The following GON4L variants were observed in gnomAD, a reference collection of about 807,000 sequenced individuals.
The protein encoded by GON4L is gon-4 like, also known as GON-4-like protein.
In GON4L, 87 loss-of-function variants were observed where a neutral mutation model predicts 211.8. The ratio of observed to expected loss-of-function variants is 0.41; its 90% confidence interval spans 0.35 to 0.49. The LOEUF (loss-of-function observed/expected upper bound fraction) is 0.49. Ranked by LOEUF, GON4L falls within the 20% of genes least tolerant of loss-of-function variation. The pLI, the probability that GON4L is intolerant of heterozygous loss-of-function variation, is 0.15. For synonymous variants in GON4L, 875 were observed against 962.6 expected (o/e 0.91, Z 1.68); for missense variants, 2,155 against 2,659.5 (o/e 0.81, Z 4.17).
At chr1:155,811,553 C>T (rs563492775) in intron 10 of GON4L, among the ~76,000 whole-genome samples, 8 of 150,752 alleles carry the variant, frequency 5.3e-5, no homozygotes, top group South Asian at 4.2e-4. Flanking sequence ...GTCAGGAGTT[C>T]GAGACCAGCC....
At position 155,764,441 on chromosome 1, in the gene GON4L, TTTTTTTTTTTTTTTTTG is replaced by T; in HGVS notation, c.4473+542_4473+558del. On this transcript the variant is annotated intron_variant, in intron 21 of 31. Transcript: ENST00000368331. ...GTTATTTACTATTTTTTTTTTTTTT[TTTTTTTTTTTTTTTTTG>T]AGACAGAGCCTTGCTCTGTTGCCCA... is the stretch of plus-strand genomic sequence containing the variant. The T allele has an allele frequency of 6.0e-4, 3 of 5,004 alleles. No homozygotes were observed. The Non-Finnish European group carries it at 0.016, about 27-fold the overall frequency. The allele number at this position is 5,004 out of a possible 1,614,324, so 0.3% of individuals were successfully genotyped here. A position where few individuals can be genotyped will look rare whatever the true frequency, so the allele number is the denominator to read the frequency against.
chr1:155,793,112 A>G (rs1362062193), intron 12 of GON4L, among the ~76,000 whole-genome samples: 1 of 152,060 alleles, frequency 6.6e-6, no homozygotes, highest in Non-Finnish European at 1.5e-5. Context: ...TAGATTTTCT[A>G]GGTTTTTCTT....
rs1379717260 is a variant in GON4L, at chr1:155,805,061, T to C, written c.1533A>G (p.Ala511=). The change falls in exon 11 of 32, where the codon GCA becomes GCG. Residue 511 remains alanine, a synonymous_variant. Coordinates refer to ENST00000368331, the MANE Select transcript of GON4L (RefSeq NM_001282860.2). The stretch of plus-strand genomic sequence containing the variant: ...GAGTGATGTCTGGAGCTTGGAGCTC[T>C]GCCTCTAATTGGCCCAGGGGAACAT... The part of the protein sequence containing the change: ...LKDVPLGQLE[A]ELQAPDITPD... 9 of 1,613,332 alleles carry C rather than the reference T, an allele frequency of 5.6e-6. No homozygotes were observed. The South Asian group carries it at 8.8e-5, about 16-fold the overall frequency.
intron 23 of GON4L, among the ~76,000 whole-genome samples, chr1:155,761,181 T>TG (rs1206483354): frequency 1.4e-5 from 2 of 146,358 alleles, no homozygotes; most frequent in African/African-American, 5.1e-5. Flanking sequence ...TGTGGTTTTT[T>TG]TTTTTTTTTT....
chr1:155,759,716 G>A (rs549535198), intron 24 of GON4L, among the ~76,000 whole-genome samples: 5 of 151,442 alleles, frequency 3.3e-5, no homozygotes, highest in Admixed American at 6.6e-5. Context: ...GAATAATCCC[G>A]TTCCTCCCTT....
Position 155,807,825 on chromosome 1 carries a change from G to A in GON4L, c.1453-2684C>T, listed in dbSNP as rs564238124. On this transcript the variant is annotated intron_variant, in intron 10 of 31. Coordinates refer to ENST00000368331, the MANE Select transcript of GON4L (RefSeq NM_001282860.2). ...TCCACATGAATTTTAGGATTAGACTGTTAATTTCCACAAAAATGGTAGCTG... is the reference window on the plus strand; with the variant it reads ...TCCACATGAATTTTAGGATTAGACTATTAATTTCCACAAAAATGGTAGCTG... 1.3e-4 allele frequency among the ~76,000 whole-genome samples: 19 copies of A among 150,792 alleles called. No homozygotes were observed. In the East Asian group the frequency reaches 3.7e-3, roughly 30 times the overall value.
rs751588346 is a variant in GON4L, at chr1:155,816,309, T to C, written c.1015-47A>G. 27 of 900,894 alleles carry C rather than the reference T, an allele frequency of 3.0e-5. 1 individual carries two copies. Among genetic ancestry groups the C allele is most frequent in the South Asian group, 2.7e-4 (20 of 73,168 alleles). The allele number at this position is 900,894 out of a possible 1,614,324, so 55.8% of individuals were successfully genotyped here. The stretch of plus-strand genomic sequence containing the variant: ...AATTAAGTTATCTTAACTGAAATAA[T>C]TGTTTTTCATGTTTACTTCCTCTGT... On this transcript the variant is annotated intron_variant, in intron 6 of 31. Coordinates refer to ENST00000368331, the MANE Select transcript of GON4L (RefSeq NM_001282860.2).
downstream of GON4L, chr1:155,745,841 G>A (rs775158275): frequency 1.0e-5 from 7 of 695,646 alleles, no homozygotes; most frequent in African/African-American, 1.8e-5. Context: ...GGCGGGCGGG[G>A]CCCGGGAGGT....
chr1:155,810,663 C>A (rs553693566), intron 10 of GON4L, among the ~76,000 whole-genome samples: 1 of 141,756 alleles, frequency 7.1e-6, no homozygotes, highest in African/African-American at 2.7e-5. Context: ...GCCGAGATCA[C>A]GCCATCACAC....
Position 155,752,737 on chromosome 1 carries a change from T to C in GON4L, c.5843-147A>G, listed in dbSNP as rs191403006. 3.8e-5 allele frequency: 47 copies of C among 1,244,830 alleles called. No individual in the cohort carries two copies. In the African/African-American group the frequency reaches 6.4e-4, roughly 17 times the overall value. The allele number at this position is 1,244,830 out of a possible 1,614,324, so 77.1% of individuals were successfully genotyped here. A position where few individuals can be genotyped will look rare whatever the true frequency, so the allele number is the denominator to read the frequency against. On this transcript the variant is annotated intron_variant, in intron 29 of 31. Coordinates refer to ENST00000368331, the MANE Select transcript of GON4L (RefSeq NM_001282860.2). ...GCTCACACCTATAATGTCCGCACTTTGGGAAGCCAAAGTGGTGGGACTGCC... is the reference window on the plus strand; with the variant it reads ...GCTCACACCTATAATGTCCGCACTTCGGGAAGCCAAAGTGGTGGGACTGCC...
intron 15 of GON4L, 66 bp downstream of exon 15, chr1:155,777,556 G>A: frequency 8.2e-7 from 1 of 1,216,044 alleles, no homozygotes; most frequent in Admixed American, 1.7e-5. Flanking sequence ...TCCAGGCTGG[G>A]AGACAGAGCC....
intron 2 of GON4L, among the ~76,000 whole-genome samples, chr1:155,842,224 T>C (rs1166105556): frequency 6.6e-6 from 1 of 151,858 alleles, no homozygotes; most frequent in South Asian, 2.1e-4. Flanking sequence ...CCAGGACACC[T>C]AGTCCTATTA....
At chr1:155,831,067 G>A (rs1414880287) in intron 2 of GON4L, among the ~76,000 whole-genome samples, 1 of 152,090 alleles carries the variant, frequency 6.6e-6, no homozygotes, top group Non-Finnish European at 1.5e-5. Context: ...GGGAGGCTGA[G>A]GTGGACAGGT....
intron 12 of GON4L, among the ~76,000 whole-genome samples, chr1:155,792,564 C>T (rs971308944): frequency 4.6e-5 from 7 of 152,044 alleles, no homozygotes; most frequent in African/African-American, 9.7e-5. Flanking sequence ...AAGAGTGGTA[C>T]GGGAATGCAA....
At chr1:155,815,621 C>T (rs527266144) in intron 8 of GON4L, among the ~76,000 whole-genome samples, 184 bp downstream of exon 8, 1 of 152,138 alleles carries the variant, frequency 6.6e-6, no homozygotes, top group East Asian at 1.9e-4. Flanking sequence ...CGTTTCTATG[C>T]TGTATTTCAT....
intron 2 of GON4L, among the ~76,000 whole-genome samples, chr1:155,836,374 C>T (rs1033701696): frequency 1.3e-5 from 2 of 151,534 alleles, no homozygotes; most frequent in East Asian, 2.0e-4. Context: ...TTCAGCCTCC[C>T]GAGTAGCTGG....
chr1:155,843,062 G>A (rs1350396890), intron 2 of GON4L, among the ~76,000 whole-genome samples: 1 of 152,004 alleles, frequency 6.6e-6, no homozygotes, highest in Non-Finnish European at 1.5e-5. Flanking sequence ...CAAACCTCTG[G>A]AAGACTTAAA....
At position 155,793,312 on chromosome 1, in the gene GON4L, C is replaced by T. The variant is rs542466946; in HGVS notation, c.1747+1738G>A. On this transcript the variant is annotated intron_variant, in intron 12 of 31. Transcript: ENST00000368331. ...AATCTTAAAAGCAAGGTGAAAGGCA[C>T]AATAAAGCAATAAAATAAAATGTAA... Among the ~76,000 whole-genome samples, 11 of 152,116 alleles carry T rather than the reference C, an allele frequency of 7.2e-5. No homozygotes were observed. The South Asian group carries it at 2.3e-3, about 32-fold the overall frequency.
intron 11 of GON4L, among the ~76,000 whole-genome samples, chr1:155,800,871 AG>A (rs970179795): frequency 6.7e-6 from 1 of 150,034 alleles, no homozygotes; most frequent in Non-Finnish European, 1.5e-5. Context: ...AAAAAAAAAA[AG>A]GTTTAACTTA....
Sources: gnomAD v4.1 joint callset for allele counts (sites outside exome capture counted in the v4.1 genomes callset) on GRCh38, gnomAD v4.1.1 for gene constraint, MANE v1.5 for transcripts, NCBI Gene and HGNC (gene_info 2026-07-23, HGNC 2026-07-21) for gene names.